The following TMC1 variants were observed in gnomAD, a reference collection of about 807,000 sequenced individuals.
The protein encoded by TMC1 is transmembrane channel like 1.
TMC1 carries 84 observed loss-of-function variants against 105.8 expected under a neutral mutation model. The observed-to-expected ratio is 0.79, with a 90% CI of 0.67 to 0.95. The LOEUF is 0.95. Ranked by LOEUF, TMC1 falls within the 40% of genes least tolerant of loss-of-function variation. TMC1 has a pLI of 0.00. For missense variants in TMC1, 817 were observed against 914.1 expected, an observed-to-expected ratio of 0.89 and a Z score of 1.37; for synonymous variants, 315 against 311.5, an observed-to-expected ratio of 1.01 and a Z score of -0.12.
intron 3 of TMC1, among the ~76,000 whole-genome samples, chr9:72,623,420 C>T (rs1274860707): frequency 1.3e-5 from 2 of 152,108 alleles, no homozygotes; most frequent in Non-Finnish European, 2.9e-5. Context: ...TGCTGGCTCA[C>T]TGGCTTGAGG....
chr9:72,607,843 T>A (rs1824951721), intron 2 of TMC1: 1 of 152,018 alleles, frequency 6.6e-6, no homozygotes, highest in Non-Finnish European at 1.5e-5. Context: ...ACGTCCCCTA[T>A]TTCCCCCACG....
intron 3 of TMC1, among the ~76,000 whole-genome samples, chr9:72,624,182 G>A (rs1396539890): frequency 1.3e-5 from 2 of 152,110 alleles, no homozygotes; most frequent in Admixed American, 1.3e-4. Context: ...TTGTAAGTGG[G>A]AGCTCAAATA....
At chr9:72,592,530 A>T (rs1168758615) in intron 2 of TMC1, among the ~76,000 whole-genome samples, 1 of 152,068 alleles carries the variant, frequency 6.6e-6, no homozygotes, top group Non-Finnish European at 1.5e-5. Context: ...CTCCTTCAGA[A>T]TTTACCCCCT....
chr9:72,785,759 C>T (rs1022197440), intron 13 of TMC1, among the ~76,000 whole-genome samples: 1 of 152,190 alleles, frequency 6.6e-6, no homozygotes, highest in Non-Finnish European at 1.5e-5. Flanking sequence ...GTACTCGAAA[C>T]ATCATAAAAC....
At chr9:72,638,547 G>A (rs1457250947) in intron 4 of TMC1, among the ~76,000 whole-genome samples, 2 of 152,210 alleles carry the variant, frequency 1.3e-5, no homozygotes, top group East Asian at 3.9e-4. Context: ...ACCTCTTTTT[G>A]AACCTATTCT....
At chr9:72,590,271 T>A (rs1440195165) in intron 2 of TMC1, among the ~76,000 whole-genome samples, 1 of 152,230 alleles carries the variant, frequency 6.6e-6, no homozygotes, top group African/African-American at 2.4e-5. Context: ...CTGACAGCCA[T>A]AAGCTTCATT....
chr9:72,676,222 C>T (rs1826200591), intron 5 of TMC1, among the ~76,000 whole-genome samples: 1 of 152,090 alleles, frequency 6.6e-6, no homozygotes, highest in Admixed American at 6.6e-5. Context: ...TATTTTATGC[C>T]TAGTCTTTAT....
Position 72,782,179 on chromosome 9 carries a change from T to C in TMC1, c.885-6160T>C, listed in dbSNP as rs969818054. Among the ~76,000 whole-genome samples the C allele has an allele frequency of 5.9e-5, 9 of 152,326 alleles. No homozygotes were observed. In the East Asian group the frequency reaches 1.7e-3, roughly 29 times the overall value. ...AACATACACAAATAAATAAATGTGA[T>C]TTATCACATAAACAGAATGAAAAAC... On this transcript the variant is annotated intron_variant, in intron 13 of 23. Transcript: ENST00000297784.
chr9:72,611,307 T>A (rs1468633507), intron 2 of TMC1, among the ~76,000 whole-genome samples: 1 of 152,170 alleles, frequency 6.6e-6, no homozygotes, highest in Non-Finnish European at 1.5e-5. Context: ...TCATAGAATG[T>A]ACTGCACTAT....
At chr9:72,721,745 A>T (rs1298384615) in intron 8 of TMC1, among the ~76,000 whole-genome samples, 1 of 152,152 alleles carries the variant, frequency 6.6e-6, no homozygotes, top group Non-Finnish European at 1.5e-5. Flanking sequence ...TATGCTGAAC[A>T]TTTCTAATGA....
chr9:72,784,917 C>A (rs971813343), intron 13 of TMC1, among the ~76,000 whole-genome samples: 79 of 152,178 alleles, frequency 5.2e-4, no homozygotes, highest in African/African-American at 1.8e-3. Flanking sequence ...AAGAAGAGAA[C>A]AATAGACACC....
chr9:72,638,103 G>C (rs1825564751), intron 4 of TMC1, among the ~76,000 whole-genome samples: 1 of 151,970 alleles, frequency 6.6e-6, no homozygotes, highest in South Asian at 2.1e-4. Flanking sequence ...TCTGCTCAAA[G>C]ACAACTTAGA....
At chr9:72,809,313 G>T (rs1273470484) in intron 18 of TMC1, among the ~76,000 whole-genome samples, 1 of 152,176 alleles carries the variant, frequency 6.6e-6, no homozygotes, top group Admixed American at 6.5e-5. Context: ...GTGTTCCTGG[G>T]TTAGTAGAAA....
At chr9:72,809,303 G>A (rs1362974256) in intron 18 of TMC1, among the ~76,000 whole-genome samples, 1 of 152,180 alleles carries the variant, frequency 6.6e-6, no homozygotes, top group Non-Finnish European at 1.5e-5. Context: ...ACTGCTGACA[G>A]TGTTCCTGGG....
chr9:72,668,725 C>A (rs1826081887), intron 5 of TMC1, among the ~76,000 whole-genome samples: 1 of 152,104 alleles, frequency 6.6e-6, no homozygotes, highest in Non-Finnish European at 1.5e-5. Flanking sequence ...GCATTGGCTC[C>A]TTTTTTCCTA....
rs370302201 is a variant in TMC1 at position 72,792,271 on chromosome 9, T to G, written c.1485T>G (p.Ser495=). ...NMIKAYNASF[S]ENSTGPPFFV... ...TCAAGGCCTACAATGCATCATTCTC[T>G]GAAAATAGCACTGGACCACCCTTTT... Residue 495 remains serine, a synonymous_variant, in exon 17 of 24, where the codon TCT becomes TCG. Coordinates refer to ENST00000297784, the MANE Select transcript of TMC1 (RefSeq NM_138691.3). 3 of 1,614,046 alleles carry G rather than the reference T, an allele frequency of 1.9e-6. No individual in the cohort carries two copies. Among genetic ancestry groups the G allele is most frequent in the East Asian group, 4.5e-5 (2 of 44,886 alleles).
chr9:72,805,798 C>A (rs1247751953), intron 18 of TMC1, among the ~76,000 whole-genome samples: 2 of 151,902 alleles, frequency 1.3e-5, no homozygotes, highest in African/African-American at 4.8e-5. Context: ...CATCTTGCAC[C>A]ACCCTTAATC....
intron 12 of TMC1, among the ~76,000 whole-genome samples, chr9:72,765,639 TAAA>T (rs71359521): frequency 2.3e-5 from 3 of 130,450 alleles, no homozygotes; most frequent in Non-Finnish European, 1.6e-5. Context: ...CCTGTCATAC[TAAA>T]AAAAAAAAAA....
At chr9:72,538,469 C>A (rs1823623519) in intron 1 of TMC1, among the ~76,000 whole-genome samples, 1 of 136,674 alleles carries the variant, frequency 7.3e-6, no homozygotes. Context: ...CAGAGCCTTG[C>A]TCTGTCATCC....
Sources: gnomAD v4.1 joint callset for allele counts (sites outside exome capture counted in the v4.1 genomes callset) on GRCh38, gnomAD v4.1.1 for gene constraint, MANE v1.5 for transcripts, NCBI Gene and HGNC (gene_info 2026-07-23, HGNC 2026-07-21) for gene names.